Variants in NMNAT3 observed in about 807,000 individuals in gnomAD.
NMNAT3 encodes the protein nicotinamide/nicotinic acid mononucleotide adenylyltransferase 3.
NMNAT3 carries 21 observed loss-of-function variants against 24.8 expected under a neutral mutation model. That is an observed-to-expected ratio of 0.85 (90% CI 0.60 to 1.22). NMNAT3 has a LOEUF of 1.22. Among genes scored for constraint, NMNAT3 ranks in the 50% most tolerant of loss-of-function variants. The pLI is 0.00. For missense variants in NMNAT3, 387 were observed against 436.6 expected, an observed-to-expected ratio of 0.89 and a Z score of 1.01; for synonymous variants, 136 against 155.2, an observed-to-expected ratio of 0.88 and a Z score of 0.92.
rs181565420 is a variant in NMNAT3 at position 139,674,044 on chromosome 3, A to C, written c.-141+3661T>G. On this transcript the variant is annotated intron_variant, in intron 1 of 6. Coordinates refer to ENST00000643695, the MANE Select transcript of NMNAT3 (RefSeq NM_001320510.2). ...TTTAGGGGCAGCTCTGGCCAGAGGC[A>C]GGGACAGCAGAGAGGCACAGGGATG... Among the ~76,000 whole-genome samples the C allele has an allele frequency of 1.3e-3, 202 of 152,238 alleles. 4 individuals are homozygous for C. The highest frequency in any genetic ancestry group is 0.013 in the Admixed American group (200 of 15,292).
At chr3:139,577,027 A>G (rs1939416946) in intron 5 of NMNAT3, among the ~76,000 whole-genome samples, 1 of 152,094 alleles carries the variant, frequency 6.6e-6, no homozygotes, top group Non-Finnish European at 1.5e-5. Flanking sequence ...ACTGCACTCC[A>G]GCCTGGGCAA....
rs537702890 is a variant in NMNAT3 at position 139,576,346 on chromosome 3, C to A, written c.575+2526G>T. 5 of 819,880 alleles carry A rather than the reference C, an allele frequency of 6.1e-6. No individual in the cohort carries two copies. In the East Asian group the frequency reaches 3.9e-4, roughly 64 times the overall value. 50.8% of individuals were successfully genotyped at this position (819,880 alleles called of 1,614,324 possible). On this transcript the variant is annotated intron_variant, in intron 5 of 6. Transcript: ENST00000643695. ...TACTCCAAATAATAATTTTAAAAAT[C>A]TTAATCAGCATTTGATAAAACTGTG...
At chr3:139,569,486 G>C (rs1383636000) in intron 6 of NMNAT3, 1 of 152,170 alleles carries the variant, frequency 6.6e-6, no homozygotes, top group African/African-American at 2.4e-5. Context: ...GGTACCAGTT[G>C]TTCCTTTCCA....
chr3:139,592,848 C>A (rs2054263103), intron 3 of NMNAT3, among the ~76,000 whole-genome samples: 2 of 152,146 alleles, frequency 1.3e-5, no homozygotes, highest in African/African-American at 4.8e-5. Flanking sequence ...ACAACGGGTA[C>A]CAGCCACTGC....
chr3:139,576,699 C>T (rs1029315941), intron 5 of NMNAT3, among the ~76,000 whole-genome samples: 1 of 152,026 alleles, frequency 6.6e-6, no homozygotes, highest in Admixed American at 6.5e-5. Context: ...TTAAAAGCTC[C>T]CTGGGTGATT....
intron 3 of NMNAT3, among the ~76,000 whole-genome samples, chr3:139,591,547 C>T (rs1369823900): frequency 6.6e-6 from 1 of 152,206 alleles, no homozygotes; most frequent in Non-Finnish European, 1.5e-5. Context: ...CAGCAGTAAC[C>T]TCTGCAGACT....
chr3:139,664,525 C>T (rs1366931824), intron 1 of NMNAT3, among the ~76,000 whole-genome samples: 1 of 152,194 alleles, frequency 6.6e-6, no homozygotes, highest in Non-Finnish European at 1.5e-5. Flanking sequence ...AAGCCTGGAA[C>T]TCCTATCTTC....
chr3:139,569,561 T>C (rs1404058272), intron 6 of NMNAT3: 15 of 152,194 alleles, frequency 9.9e-5, no homozygotes, highest in Non-Finnish European at 2.2e-4. Flanking sequence ...CTCTCAGCAT[T>C]TGCTTGTCTG....
chr3:139,576,006 G>A (rs1939250251), intron 5 of NMNAT3: 1 of 1,288,896 alleles, frequency 7.8e-7, no homozygotes, highest in South Asian at 1.2e-5. Flanking sequence ...TGTAAAATGA[G>A]GACAACACAA....
intron 1 of NMNAT3, among the ~76,000 whole-genome samples, chr3:139,677,423 CTAAAGGTGGG>C (rs1427208469): frequency 8.5e-5 from 13 of 152,316 alleles, no homozygotes; most frequent in African/African-American, 3.1e-4. Context: ...TGCACGAGTG[CTAAAGGTGGG>C]ATCCGAACCC....
At chr3:139,596,702 T>A (rs1289395021) in intron 3 of NMNAT3, among the ~76,000 whole-genome samples, 1 of 151,730 alleles carries the variant, frequency 6.6e-6, no homozygotes, top group East Asian at 1.9e-4. Flanking sequence ...TATCCACCCA[T>A]TGGCATTTTC....
chr3:139,621,535 C>T (rs2055773761), intron 3 of NMNAT3, among the ~76,000 whole-genome samples: 1 of 152,082 alleles, frequency 6.6e-6, no homozygotes, highest in African/African-American at 2.4e-5. Context: ...CCATGTCCAG[C>T]TAATTTTTGT....
chr3:139,589,847 C>T (rs559274082), intron 3 of NMNAT3, among the ~76,000 whole-genome samples: 2 of 152,310 alleles, frequency 1.3e-5, no homozygotes, highest in East Asian at 3.9e-4. Context: ...TTCATACATG[C>T]TAGGTCTCAG....
intron 1 of NMNAT3, chr3:139,672,849 T>A (rs2057803152): frequency 6.6e-6 from 1 of 152,204 alleles, no homozygotes; most frequent in South Asian, 2.1e-4. Flanking sequence ...TAGTGTGACT[T>A]TCTCCCTGTT....
At chr3:139,669,850 A>G (rs1040946760) in intron 1 of NMNAT3, among the ~76,000 whole-genome samples, 1 of 152,216 alleles carries the variant, frequency 6.6e-6, no homozygotes, top group African/African-American at 2.4e-5. Flanking sequence ...TACCAGAAAA[A>G]TAACAGGAAT....
At chr3:139,615,584 A>G (rs551061910) in intron 3 of NMNAT3, among the ~76,000 whole-genome samples, 1 of 152,172 alleles carries the variant, frequency 6.6e-6, no homozygotes, top group South Asian at 2.1e-4. Context: ...CCAATCCCAT[A>G]TCACAGGACA....
At chr3:139,657,239 C>T (rs2057275073) in intron 1 of NMNAT3, among the ~76,000 whole-genome samples, 1 of 152,216 alleles carries the variant, frequency 6.6e-6, no homozygotes, top group Non-Finnish European at 1.5e-5. Flanking sequence ...CCATCCAAGC[C>T]ACAAGATCTT....
At chr3:139,666,214 T>C (rs1179729847) in intron 1 of NMNAT3, among the ~76,000 whole-genome samples, 2 of 152,044 alleles carry the variant, frequency 1.3e-5, no homozygotes, top group Admixed American at 6.5e-5. Context: ...GTCTATTTTG[T>C]CCCCCTGAAG....
intron 3 of NMNAT3, among the ~76,000 whole-genome samples, chr3:139,593,299 A>G (rs892633261): frequency 1.3e-5 from 2 of 152,230 alleles, no homozygotes; most frequent in African/African-American, 4.8e-5. Context: ...ATACAGGAGC[A>G]CCCAGATTCA....
Sources: gnomAD v4.1 joint callset for allele counts (sites outside exome capture counted in the v4.1 genomes callset) on GRCh38, gnomAD v4.1.1 for gene constraint, MANE v1.5 for transcripts, NCBI Gene and HGNC (gene_info 2026-07-23, HGNC 2026-07-21) for gene names.